Variants in EDA observed in about 807,000 individuals in gnomAD.
The protein encoded by EDA is ectodysplasin-A.
EDA carries 2 observed loss-of-function variants against 23.6 expected under a neutral mutation model. That is an observed-to-expected ratio of 0.08 (90% CI 0.03 to 0.27). The LOEUF is 0.27. Ranked by LOEUF, EDA falls within the 10% of genes least tolerant of loss-of-function variation. The pLI is 1.00. For missense variants in EDA, 229 were observed against 324.2 expected (o/e 0.71, Z 2.26); for synonymous variants, 131 against 132.0 (o/e 0.99, Z 0.05).
At chrX:69,938,737 G>T (rs1602549237) in intron 1 of EDA, among the ~76,000 whole-genome samples, 1 of 112,113 alleles carries the variant, frequency 8.9e-6, no homozygotes, top group African/African-American at 3.2e-5. Context: ...TGAGGTCCTA[G>T]ATTTAAGTCT....
intron 1 of EDA, among the ~76,000 whole-genome samples, chrX:69,911,670 A>G (rs558951925): frequency 8.9e-6 from 1 of 112,491 alleles, no homozygotes; most frequent in Non-Finnish European, 1.9e-5. Context: ...CCCAGTAAGT[A>G]TAAAAGTTAT....
At chrX:69,736,291 G>A (rs1214053986) in intron 1 of EDA, among the ~76,000 whole-genome samples, 2 of 111,079 alleles carry the variant, frequency 1.8e-5, no homozygotes, top group Non-Finnish European at 3.8e-5. Flanking sequence ...GGCAACAAGA[G>A]CGAAACTCCG....
intron 1 of EDA, among the ~76,000 whole-genome samples, chrX:69,890,571 G>A (rs2017910843): frequency 9.0e-6 from 1 of 110,960 alleles, no homozygotes; most frequent in Non-Finnish European, 1.9e-5. Flanking sequence ...CAATGGAACA[G>A]AATAGAGAAC....
intron 1 of EDA, among the ~76,000 whole-genome samples, chrX:69,690,385 A>G (rs1159233905): frequency 9.0e-6 from 1 of 110,996 alleles, no homozygotes; most frequent in Non-Finnish European, 1.9e-5. Flanking sequence ...ACGTTTTTCC[A>G]TGTGTATTGA....
chrX:69,657,970 A>G (rs1006959205), intron 1 of EDA, among the ~76,000 whole-genome samples: 2 of 111,511 alleles, frequency 1.8e-5, no homozygotes, highest in African/African-American at 3.3e-5. Context: ...GTTCCATATG[A>G]AGCTTTGAAT....
chrX:69,952,248 G>C (rs2018938204), intron 1 of EDA, among the ~76,000 whole-genome samples: 1 of 111,690 alleles, frequency 9.0e-6, no homozygotes, highest in Non-Finnish European at 1.9e-5. Flanking sequence ...GCTGATAAAG[G>C]CATACCTAAG....
rs1169633638 is a variant in EDA, at chrX:69,645,308, C to T, written c.396+28604C>T. Among the ~76,000 whole-genome samples the T allele has an allele frequency of 5.5e-5, 6 of 108,802 alleles. No individual in the cohort carries two copies. The Admixed American group carries it at 6.0e-4, about 11-fold the overall frequency. The allele number at this position is 108,802 out of a possible 115,157, so 94.5% of individuals were successfully genotyped here. A position where few individuals can be genotyped will look rare whatever the true frequency, so the allele number is the denominator to read the frequency against. ...ATTGGTCTATTCAAGGATTCAATTT[C>T]TTCCTGGTTCAGTCTTGGGAGGGTG... On this transcript the variant is annotated intron_variant, in intron 1 of 7. Transcript: ENST00000374552.
intron 3 of EDA, among the ~76,000 whole-genome samples, chrX:70,026,950 C>G (rs1165196160): frequency 1.8e-5 from 2 of 110,817 alleles, no homozygotes; most frequent in Admixed American, 1.9e-4. Context: ...CCCATCCCAA[C>G]CCCCATTTCC....
intron 1 of EDA, among the ~76,000 whole-genome samples, chrX:69,622,141 G>T (rs1228866900): frequency 1.8e-5 from 2 of 111,795 alleles, no homozygotes; most frequent in African/African-American, 6.5e-5. Flanking sequence ...TTTGTGGATT[G>T]TTTCCAGTCT....
At chrX:69,828,260 T>G (rs1367329827) in intron 1 of EDA, among the ~76,000 whole-genome samples, 1 of 112,495 alleles carries the variant, frequency 8.9e-6, no homozygotes, top group Non-Finnish European at 1.9e-5. Flanking sequence ...TTTGTTTATG[T>G]AAGCAAGCCT....
At chrX:69,772,299 T>G (rs1248861374) in intron 1 of EDA, among the ~76,000 whole-genome samples, 1 of 111,445 alleles carries the variant, frequency 9.0e-6, no homozygotes, top group Non-Finnish European at 1.9e-5. Context: ...ATTATCATGA[T>G]GTTCTTATTT....
chrX:69,709,960 A>G (rs1164983267), intron 1 of EDA, among the ~76,000 whole-genome samples: 1 of 111,427 alleles, frequency 9.0e-6, no homozygotes, highest in Non-Finnish European at 1.9e-5. Flanking sequence ...TGTTCACTCT[A>G]ATAGTAGTTT....
At chrX:69,738,502 C>G (rs889918278) in intron 1 of EDA, among the ~76,000 whole-genome samples, 14 of 107,873 alleles carry the variant, frequency 1.3e-4, no homozygotes, top group African/African-American at 4.7e-4. Flanking sequence ...TCATTAATCT[C>G]TGTCTTAATC....
chrX:70,027,705 C>T (rs2147509198), intron 3 of EDA, 152 bp from the exon 4 acceptor site: 2 of 432,076 alleles, frequency 4.6e-6, no homozygotes, highest in East Asian at 8.5e-5. Context: ...CGCCTGTAAT[C>T]CCAGTTACTC....
intron 2 of EDA, among the ~76,000 whole-genome samples, chrX:70,011,431 A>G (rs2019874904): frequency 1.8e-5 from 2 of 108,569 alleles, no homozygotes; most frequent in Admixed American, 2.0e-4. Flanking sequence ...CCCGGGTTCA[A>G]GCAATTCTCG....
chrX:69,860,867 G>A, intron 1 of EDA: 2 of 524,862 alleles, frequency 3.8e-6, no homozygotes, highest in Non-Finnish European at 7.0e-6. Flanking sequence ...GGACACCAAT[G>A]AGTTGTGTCT....
chrX:69,992,583 T>C (rs1344454567), intron 2 of EDA, among the ~76,000 whole-genome samples: 1 of 112,282 alleles, frequency 8.9e-6, no homozygotes, highest in East Asian at 2.8e-4. Flanking sequence ...TTTCTCTCTA[T>C]TACAAACAAT....
intron 2 of EDA, among the ~76,000 whole-genome samples, chrX:69,978,502 CAAAAAA>C (rs1223244079): frequency 2.1e-5 from 1 of 46,963 alleles, no homozygotes; most frequent in African/African-American, 7.7e-5. Context: ...GAATCTGTCT[CAAAAAA>C]AAAAAAAAAA....
chrX:69,790,553 T>G (rs985225342), intron 1 of EDA, among the ~76,000 whole-genome samples: 4 of 111,901 alleles, frequency 3.6e-5, no homozygotes, highest in African/African-American at 1.3e-4. Context: ...TATGCATACC[T>G]TGTATATTAC....
Sources: gnomAD v4.1 joint callset for allele counts (sites outside exome capture counted in the v4.1 genomes callset) on GRCh38, gnomAD v4.1.1 for gene constraint, MANE v1.5 for transcripts, NCBI Gene and HGNC (gene_info 2026-07-23, HGNC 2026-07-21) for gene names.